The following CENPH variants were observed in gnomAD, a reference collection of about 807,000 sequenced individuals.
CENPH encodes the protein centromere protein H.
Under a neutral mutation model 42.9 loss-of-function variants are expected in CENPH, and 40 were observed. The observed-to-expected ratio is 0.93, with a 90% CI of 0.72 to 1.21. The LOEUF is 1.21. CENPH is among the 50% of genes most tolerant of loss of function. The pLI, the probability that CENPH is intolerant of heterozygous loss-of-function variation, is 0.00. For synonymous variants in CENPH, 88 were observed against 96.5 expected (o/e 0.91, Z 0.52); for missense variants, 302 against 292.9 (o/e 1.03, Z -0.23).
chr5:69,190,028 T>C (rs374766190), intron 1 of CENPH, among the ~76,000 whole-genome samples: 9 of 152,306 alleles, frequency 5.9e-5, no homozygotes, highest in African/African-American at 1.9e-4. Context: ...TTAGAAGCTG[T>C]AATTTCTCCT....
chr5:69,204,597 C>CTTTTTTCTTTTTT (rs1748116924), intron 7 of CENPH, among the ~76,000 whole-genome samples: 1 of 69,576 alleles, frequency 1.4e-5, no homozygotes, highest in Non-Finnish European at 2.5e-5. Context: ...GCTTGTATTT[C>CTTTTTTCTTTTTT]TTTTTTTTTT....
chr5:69,206,076 G>A (rs1277914989), intron 7 of CENPH, among the ~76,000 whole-genome samples: 3 of 151,990 alleles, frequency 2.0e-5, no homozygotes, highest in Middle Eastern at 3.4e-3. Flanking sequence ...TGTTACACAG[G>A]CTGGTATAGA....
chr5:69,198,948 C>A (rs200126392), intron 5 of CENPH, among the ~76,000 whole-genome samples: 25 of 147,112 alleles, frequency 1.7e-4, no homozygotes, highest in East Asian at 2.0e-4. Context: ...ATCTCAAAAA[C>A]AAAAAAAAAA....
At chr5:69,195,477 T>C (rs2112084061) in intron 3 of CENPH, among the ~76,000 whole-genome samples, 1 of 152,326 alleles carries the variant, frequency 6.6e-6, no homozygotes, top group African/African-American at 2.4e-5. Flanking sequence ...TGGAGATTTA[T>C]ATGTACACAA....
intron 7 of CENPH, 111 bp downstream of exon 7, chr5:69,203,081 C>T (rs980570371): frequency 2.1e-5 from 16 of 744,284 alleles, no homozygotes; most frequent in Non-Finnish European, 3.1e-5. Context: ...TTCCAAAATT[C>T]CTTAAAATTT....
At chr5:69,191,885 G>A in intron 2 of CENPH, 35 bp downstream of exon 2, 1 of 1,207,082 alleles carries the variant, frequency 8.3e-7, no homozygotes, top group Non-Finnish European at 1.2e-6. Context: ...GGGTTTTGTT[G>A]TTTGTTTGTT....
At chr5:69,191,208 G>A (rs1747865329) in intron 1 of CENPH, among the ~76,000 whole-genome samples, 1 of 152,068 alleles carries the variant, frequency 6.6e-6, no homozygotes, top group Non-Finnish European at 1.5e-5. Context: ...GTTCAGTCTG[G>A]CCTATTAAAA....
intron 7 of CENPH, among the ~76,000 whole-genome samples, chr5:69,205,029 C>A (rs868840135): frequency 1.3e-5 from 2 of 151,284 alleles, no homozygotes; most frequent in Non-Finnish European, 2.9e-5. Flanking sequence ...AGTGATTCTC[C>A]GGTCTCAGCC....
chr5:69,197,116 T>A lies in CENPH; in HGVS notation c.371+7T>A. ...AAATTAGCAGACAGTCTAGGTATGA[T>A]TTTTTTTTTCTCTGGATTCGGTAAG... On this transcript the variant is annotated splice_region_variant and intron_variant, in intron 5 of 8. Transcript: ENST00000283006. 1 of 1,426,614 alleles carries A rather than the reference T, an allele frequency of 7.0e-7. No individual in the cohort carries two copies. Among genetic ancestry groups the A allele is most frequent in the Non-Finnish European group, 9.4e-7 (1 of 1,062,806 alleles). The allele number at this position is 1,426,614 out of a possible 1,614,324, so 88.4% of individuals were successfully genotyped here.
intron 4 of CENPH, 56 bp downstream of exon 4, chr5:69,195,847 G>C: frequency 1.2e-6 from 1 of 826,874 alleles, no homozygotes; most frequent in South Asian, 1.5e-5. Flanking sequence ...ATGGGTATGA[G>C]GGGAAAGTGG....
Position 69,194,677 on chromosome 5 carries a change from A to G in CENPH, c.221A>G (p.Gln74Arg). 1 of 1,588,146 alleles carries G rather than the reference A, an allele frequency of 6.3e-7. No individual in the cohort carries two copies. Among genetic ancestry groups the G allele is most frequent in the Non-Finnish European group, 8.6e-7 (1 of 1,164,862 alleles). Residue 74 changes from glutamine to arginine, a missense_variant, in exon 3 of 9, where the codon CAA (glutamine) becomes CGA (arginine). By Grantham distance (43) the Gln-to-Arg change is conservative. Transcript: ENST00000283006. ...SEEKTPEQIM[Q>R]EKQIEAKIED... is the part of the protein sequence containing the mutation. The stretch of plus-strand genomic sequence containing the variant: ...GAAAAAACTCCAGAACAAATTATGC[A>G]AGAAAAGCAAATCGAAGCGTATGTT...
chr5:69,193,039 G>C (rs1057397917), intron 2 of CENPH, among the ~76,000 whole-genome samples: 3 of 152,050 alleles, frequency 2.0e-5, no homozygotes, highest in South Asian at 2.1e-4. Context: ...GGAGGTTGCA[G>C]TGACGCGAGA....
At chr5:69,200,506 T>C (rs1748039663) in intron 5 of CENPH, among the ~76,000 whole-genome samples, 1 of 152,188 alleles carries the variant, frequency 6.6e-6, no homozygotes, top group Non-Finnish European at 1.5e-5. Flanking sequence ...TGTTAGATTT[T>C]AATATGCCTA....
chr5:69,189,653 A>G lies in CENPH; in HGVS notation c.19A>G (p.Met7Val). Residue 7 changes from methionine to valine, a missense_variant, in exon 1 of 9, where the codon ATG becomes GTG. By Grantham distance (21) the Met-to-Val change is conservative. Transcript: ENST00000283006. MEEQPQMQDADEPADSG... is the reference protein window; with the variant it reads MEEQPQVQDADEPADSG... ...ACCAGCAATGGAGGAGCAGCCCCAG[A>G]TGCAAGACGCCGACGAGCCCGCGGA... The G allele has an allele frequency of 5.0e-6, 8 of 1,602,076 alleles. No individual in the cohort carries two copies. Among genetic ancestry groups the G allele is most frequent in the Non-Finnish European group, 6.8e-6 (8 of 1,176,380 alleles).
intron 8 of CENPH, 57 bp downstream of exon 8, chr5:69,208,416 G>A (rs1748195153): frequency 8.5e-7 from 1 of 1,182,800 alleles, no homozygotes; most frequent in African/African-American, 1.5e-5. Context: ...CTGGAGTGAA[G>A]TGGCTCGATC....
intron 5 of CENPH, among the ~76,000 whole-genome samples, chr5:69,199,115 T>C (rs1394720658): frequency 6.6e-6 from 1 of 152,158 alleles, no homozygotes; most frequent in Non-Finnish European, 1.5e-5. Context: ...CTTTGAGTAC[T>C]GTAGCCAAAG....
intron 7 of CENPH, among the ~76,000 whole-genome samples, chr5:69,203,303 A>C (rs1031790709): frequency 2.0e-5 from 3 of 152,192 alleles, no homozygotes; most frequent in African/African-American, 4.8e-5. Context: ...AATAGCTGGA[A>C]CTACAGGCAC....
chr5:69,193,782 G>T (rs1747919200), intron 2 of CENPH, among the ~76,000 whole-genome samples: 1 of 150,506 alleles, frequency 6.6e-6, no homozygotes, highest in Non-Finnish European at 1.5e-5. Context: ...CTCTCAAGTA[G>T]CCAGGATTAC....
chr5:69,193,992 T>C (rs532198415), intron 2 of CENPH, among the ~76,000 whole-genome samples: 1 of 152,256 alleles, frequency 6.6e-6, no homozygotes, highest in Non-Finnish European at 1.5e-5. Flanking sequence ...TGAAATAAAA[T>C]TTAAAATCAA....
Sources: gnomAD v4.1 joint callset for allele counts (sites outside exome capture counted in the v4.1 genomes callset) on GRCh38, gnomAD v4.1.1 for gene constraint, MANE v1.5 for transcripts, NCBI Gene and HGNC (gene_info 2026-07-23, HGNC 2026-07-21) for gene names.